Variants in CDKL3 observed in about 807,000 individuals in gnomAD.
CDKL3 encodes cyclin-dependent kinase-like 3.
In CDKL3, 65 loss-of-function variants were observed where a neutral mutation model predicts 69.3. The observed-to-expected ratio is 0.94, with a 90% CI of 0.77 to 1.15. CDKL3 has a LOEUF of 1.15. Among genes scored for constraint, CDKL3 ranks in the 50% most tolerant of loss-of-function variants. The pLI, the probability that CDKL3 is intolerant of heterozygous loss-of-function variation, is 0.00. For synonymous variants in CDKL3, 202 were observed against 221.6 expected, an observed-to-expected ratio of 0.91 and a Z score of 0.79; for missense variants, 652 against 689.2, an observed-to-expected ratio of 0.95 and a Z score of 0.61.
At chr5:134,297,692 G>A (rs1375907022), downstream of CDKL3, among the ~76,000 whole-genome samples, 10 of 143,294 alleles carry the variant, frequency 7.0e-5, no homozygotes, top group Admixed American at 7.0e-5. Flanking sequence ...AGCGATTCTC[G>A]TGCTTCAGCC....
intron 2 of CDKL3, among the ~76,000 whole-genome samples, chr5:134,363,957 TAAAAAAAAAAAA>T (rs1206131261): frequency 1.0e-5 from 1 of 96,434 alleles, no homozygotes; most frequent in South Asian, 3.2e-4. Flanking sequence ...CTCCATTTCT[TAAAAAAAAAAAA>T]AAAAAAAAAG....
intron 6 of CDKL3, among the ~76,000 whole-genome samples, chr5:134,313,230 T>G (rs1770064857): frequency 6.6e-6 from 1 of 152,154 alleles, no homozygotes; most frequent in Non-Finnish European, 1.5e-5. Context: ...TTTTAAAATT[T>G]TTTAGAGACA....
At chr5:134,330,204 T>C (rs1351329976) in intron 4 of CDKL3, among the ~76,000 whole-genome samples, 1 of 151,972 alleles carries the variant, frequency 6.6e-6, no homozygotes, top group Non-Finnish European at 1.5e-5. Context: ...CATTGTTAAC[T>C]GAAGAAAAAT....
Position 134,361,599 on chromosome 5 carries a change from A to G in CDKL3, c.166-1508T>C, listed in dbSNP as rs1756031521. ...AGTGCTGCAGCAATAGCATATTGACAGCAGTGAAAAGAATTGACTGTTGGC... is the reference window on the plus strand; with the variant it reads ...AGTGCTGCAGCAATAGCATATTGACGGCAGTGAAAAGAATTGACTGTTGGC... On this transcript the variant is annotated intron_variant, in intron 2 of 12. Transcript: ENST00000265334. Among the ~76,000 whole-genome samples, 4 of 152,290 alleles carry G rather than the reference A, an allele frequency of 2.6e-5. No individual in the cohort carries two copies. In the South Asian group the frequency reaches 8.3e-4, roughly 32 times the overall value.
intron 4 of CDKL3, among the ~76,000 whole-genome samples, chr5:134,330,821 C>T (rs1259928621): frequency 6.6e-6 from 1 of 152,202 alleles, no homozygotes; most frequent in East Asian, 1.9e-4. Flanking sequence ...AGCAAAATGC[C>T]TTGAGCATCC....
intron 6 of CDKL3, among the ~76,000 whole-genome samples, chr5:134,313,686 A>C (rs2149461695): frequency 6.6e-6 from 1 of 152,310 alleles, no homozygotes; most frequent in South Asian, 2.1e-4. Context: ...GCATATAGTT[A>C]AAAATGCCAT....
downstream of CDKL3, among the ~76,000 whole-genome samples, chr5:134,295,090 C>T (rs1172095037): frequency 1.4e-5 from 2 of 144,544 alleles, no homozygotes; most frequent in East Asian, 2.1e-4. Flanking sequence ...TCTCGGTTCA[C>T]TGCAACCTCC....
chr5:134,340,573 A>T (rs1750222493), intron 4 of CDKL3, among the ~76,000 whole-genome samples: 1 of 152,212 alleles, frequency 6.6e-6, no homozygotes, highest in Admixed American at 6.5e-5. Flanking sequence ...ATTATAAAGG[A>T]ATACATAATT....
chr5:134,340,030 T>A (rs1024617489), intron 4 of CDKL3, among the ~76,000 whole-genome samples: 1 of 151,970 alleles, frequency 6.6e-6, no homozygotes, highest in Non-Finnish European at 1.5e-5. Flanking sequence ...GGCACACACC[T>A]GTAGTCTCAG....
chr5:134,328,471 A>G (rs1774950676), intron 4 of CDKL3, among the ~76,000 whole-genome samples: 1 of 152,170 alleles, frequency 6.6e-6, no homozygotes, highest in South Asian at 2.1e-4. Flanking sequence ...TGAAGACAAG[A>G]CCAATAGAAA....
chr5:134,307,230 G>C (rs973892004), intron 9 of CDKL3, among the ~76,000 whole-genome samples: 1 of 152,162 alleles, frequency 6.6e-6, no homozygotes, highest in Non-Finnish European at 1.5e-5. Context: ...TGACAGGCAT[G>C]TTGTGGGGTT....
intron 4 of CDKL3, among the ~76,000 whole-genome samples, chr5:134,345,011 G>C (rs1751490312): frequency 6.6e-6 from 1 of 152,076 alleles, no homozygotes; most frequent in Non-Finnish European, 1.5e-5. Flanking sequence ...GTTGCAGTGA[G>C]CCGAGATCAC....
At chr5:134,297,645 G>A (rs181122778), downstream of CDKL3, among the ~76,000 whole-genome samples, 527 of 150,704 alleles carry the variant, frequency 3.5e-3, 3 homozygotes, top group African/African-American at 0.012. Flanking sequence ...GCAATGGCAC[G>A]ATCTCGGCTC....
At chr5:134,321,729 C>T (rs983206843) in intron 5 of CDKL3, 62 bp downstream of exon 5, 6 of 875,208 alleles carry the variant, frequency 6.9e-6, no homozygotes, top group Non-Finnish European at 1.1e-5. Context: ...GAAAATCAAG[C>T]AGAATTGATC....
At chr5:134,363,930 C>T (rs1045312992) in intron 2 of CDKL3, among the ~76,000 whole-genome samples, 1 of 142,886 alleles carries the variant, frequency 7.0e-6, no homozygotes, top group African/African-American at 2.7e-5. Flanking sequence ...TGCGCTGCAG[C>T]CTGGGCAACA....
intron 4 of CDKL3, among the ~76,000 whole-genome samples, chr5:134,349,920 A>T (rs893542145): frequency 6.6e-6 from 1 of 152,012 alleles, no homozygotes; most frequent in Non-Finnish European, 1.5e-5. Flanking sequence ...AGGCACACTG[A>T]CTCACGCCTG....
intron 4 of CDKL3, among the ~76,000 whole-genome samples, chr5:134,333,146 G>A (rs1776217196): frequency 1.3e-5 from 2 of 152,162 alleles, no homozygotes; most frequent in South Asian, 2.1e-4. Flanking sequence ...AAATGCTTGT[G>A]ATTTTTGCAC....
chr5:134,357,563 C>T (rs947606922), intron 3 of CDKL3, among the ~76,000 whole-genome samples: 6 of 152,098 alleles, frequency 3.9e-5, no homozygotes, highest in Middle Eastern at 3.4e-3. Context: ...ACCCAGAAGG[C>T]GGAAGTTGCA....
chr5:134,297,563 G>T (rs1052340507), downstream of CDKL3, among the ~76,000 whole-genome samples: 1 of 150,812 alleles, frequency 6.6e-6, no homozygotes, highest in Non-Finnish European at 1.5e-5. Context: ...GTAATGAATA[G>T]TTTTTTCTTT....
Sources: gnomAD v4.1 joint callset for allele counts (sites outside exome capture counted in the v4.1 genomes callset) on GRCh38, gnomAD v4.1.1 for gene constraint, MANE v1.5 for transcripts, NCBI Gene and HGNC (gene_info 2026-07-23, HGNC 2026-07-21) for gene names.